The following DMRT1 variants were observed in gnomAD, a reference collection of about 807,000 sequenced individuals.
DMRT1 encodes doublesex and mab-3 related transcription factor 1, also known as doublesex- and mab-3-related transcription factor 1.
In DMRT1, 7 loss-of-function variants were observed where a neutral mutation model predicts 32.3. That is an observed-to-expected ratio of 0.22 (90% CI 0.12 to 0.41). The LOEUF (loss-of-function observed/expected upper bound fraction) is 0.41, where lower values mean the gene tolerates loss of function less well. Among genes scored for constraint, DMRT1 ranks in the 10% least tolerant of loss-of-function variants. The pLI is 1.00. For missense variants in DMRT1, 625 were observed against 500.5 expected (o/e 1.25, Z -2.37); for synonymous variants, 278 against 206.1 (o/e 1.35, Z -2.99).
intron 4 of DMRT1, among the ~76,000 whole-genome samples, chr9:925,532 T>C (rs1818493778): frequency 6.6e-6 from 1 of 152,234 alleles, no homozygotes; most frequent in African/African-American, 2.4e-5. Flanking sequence ...CAGAGCGCCG[T>C]GACTTCCTCT....
At position 933,056 on chromosome 9, in the gene DMRT1, G is replaced by C. The variant is rs12004994; in HGVS notation, c.967+16149G>C. Among the ~76,000 whole-genome samples, 990 of 152,154 alleles carry C rather than the reference G, an allele frequency of 6.5e-3. 6 individuals carry two copies. Among genetic ancestry groups the C allele is most frequent in the African/African-American group, 0.023 (934 of 41,504 alleles). On this transcript the variant is annotated intron_variant, in intron 4 of 4. Transcript: ENST00000382276. ...GCCTCCCGAGTGGCTGGGATTACAG[G>C]TGCACACCACCATGCCCAGCAAATT... is the stretch of plus-strand genomic sequence containing the variant.
At chr9:883,074 C>T (rs1024839183) in intron 2 of DMRT1, among the ~76,000 whole-genome samples, 2 of 151,460 alleles carry the variant, frequency 1.3e-5, no homozygotes, top group Non-Finnish European at 3.0e-5. Context: ...GCCTGCCCAC[C>T]CCACCCTTTT....
intron 4 of DMRT1, among the ~76,000 whole-genome samples, chr9:935,605 A>G (rs1339430698): frequency 6.6e-6 from 1 of 152,228 alleles, no homozygotes; most frequent in Non-Finnish European, 1.5e-5. Flanking sequence ...CATTTCTATC[A>G]GCACTTGCCT....
At chr9:958,406 A>C (rs1294274524) in intron 4 of DMRT1, among the ~76,000 whole-genome samples, 1 of 152,116 alleles carries the variant, frequency 6.6e-6, no homozygotes, top group Non-Finnish European at 1.5e-5. Flanking sequence ...TTGCTCTGTC[A>C]CTGAGGCTGG....
chr9:878,936 T>A (rs1207556340), intron 2 of DMRT1, among the ~76,000 whole-genome samples: 1 of 152,216 alleles, frequency 6.6e-6, no homozygotes, highest in Non-Finnish European at 1.5e-5. Context: ...TCAATTACTT[T>A]TGCTTGGGAC....
chr9:872,128 T>C (rs547480081), intron 2 of DMRT1, among the ~76,000 whole-genome samples: 264 of 151,222 alleles, frequency 1.7e-3, no homozygotes, highest in Non-Finnish European at 3.1e-3. Context: ...GTGGCTTGAT[T>C]TCGGCTCACT....
chr9:898,615 G>A (rs2129653665), intron 3 of DMRT1, among the ~76,000 whole-genome samples: 1 of 152,264 alleles, frequency 6.6e-6, no homozygotes, highest in South Asian at 2.1e-4. Flanking sequence ...TGTCTTCTTT[G>A]TAGAAGGTGC....
intron 2 of DMRT1, among the ~76,000 whole-genome samples, chr9:852,500 C>CT (rs1815193158): frequency 6.6e-6 from 1 of 150,804 alleles, no homozygotes; most frequent in Admixed American, 6.6e-5. Flanking sequence ...TAATATTCTA[C>CT]TTTTTCTTCA....
intron 4 of DMRT1, among the ~76,000 whole-genome samples, chr9:930,719 A>T (rs116917512): frequency 0.011 from 1,651 of 152,090 alleles, 13 homozygotes; most frequent in East Asian, 0.039. Flanking sequence ...ATTTTAAAAA[A>T]TTTTTTGTAG....
chr9:890,887 AT>A (rs945663331), intron 2 of DMRT1, among the ~76,000 whole-genome samples: 22 of 150,518 alleles, frequency 1.5e-4, no homozygotes, highest in Non-Finnish European at 2.7e-4. Context: ...TGTCCGGCTA[AT>A]TTTTTTTTGT....
At chr9:884,248 T>A (rs986690020) in intron 2 of DMRT1, among the ~76,000 whole-genome samples, 4 of 151,904 alleles carry the variant, frequency 2.6e-5, no homozygotes, top group Admixed American at 2.6e-4. Context: ...TAACTACTAT[T>A]AATATGTCAT....
At chr9:915,415 T>C (rs969381189) in intron 3 of DMRT1, among the ~76,000 whole-genome samples, 1 of 152,160 alleles carries the variant, frequency 6.6e-6, no homozygotes, top group Non-Finnish European at 1.5e-5. Context: ...ATGAACTGCT[T>C]CTTATATAAA....
intron 2 of DMRT1, among the ~76,000 whole-genome samples, chr9:849,886 C>T (rs746278456): frequency 1.1e-4 from 17 of 151,946 alleles, no homozygotes; most frequent in African/African-American, 3.1e-4. Context: ...GGCAGTGGTG[C>T]GATTTTGGCT....
intron 2 of DMRT1, among the ~76,000 whole-genome samples, chr9:869,562 A>G (rs894493021): frequency 6.6e-6 from 1 of 151,042 alleles, no homozygotes; most frequent in Non-Finnish European, 1.5e-5. Flanking sequence ...TAATGATTTG[A>G]CTCTGGCCAT....
At chr9:916,229 A>G (rs1381908808) in intron 3 of DMRT1, among the ~76,000 whole-genome samples, 3 of 152,176 alleles carry the variant, frequency 2.0e-5, no homozygotes, top group Admixed American at 6.5e-5. Flanking sequence ...TCGAGCACCA[A>G]ATGAACAGAA....
At chr9:929,779 T>G (rs1818647724) in intron 4 of DMRT1, among the ~76,000 whole-genome samples, 1 of 152,120 alleles carries the variant, frequency 6.6e-6, no homozygotes, top group African/African-American at 2.4e-5. Flanking sequence ...AATATCTCTT[T>G]CCTTAAGTCC....
chr9:917,693 T>C (rs1200302234), intron 4 of DMRT1, among the ~76,000 whole-genome samples: 1 of 152,346 alleles, frequency 6.6e-6, no homozygotes, highest in East Asian at 1.9e-4. Flanking sequence ...TAAAAGGATA[T>C]GTTCATTTTC....
chr9:940,564 G>A (rs904763641), intron 4 of DMRT1, among the ~76,000 whole-genome samples: 5 of 151,978 alleles, frequency 3.3e-5, no homozygotes, highest in African/African-American at 9.7e-5. Context: ...ATGGATCAAA[G>A]ACCTAAATGC....
At chr9:925,518 C>T (rs902879841) in intron 4 of DMRT1, among the ~76,000 whole-genome samples, 1 of 152,200 alleles carries the variant, frequency 6.6e-6, no homozygotes, top group African/African-American at 2.4e-5. Flanking sequence ...GATGGGTGTG[C>T]AGGCAGAGCG....
Sources: gnomAD v4.1 joint callset for allele counts (sites outside exome capture counted in the v4.1 genomes callset) on GRCh38, gnomAD v4.1.1 for gene constraint, MANE v1.5 for transcripts, NCBI Gene and HGNC (gene_info 2026-07-23, HGNC 2026-07-21) for gene names.